Variants in PBX1 observed in about 807,000 individuals in gnomAD.
PBX1 encodes the protein pre-B-cell leukemia transcription factor 1.
Under a neutral mutation model 53.4 loss-of-function variants are expected in PBX1, and 6 were observed. That is an observed-to-expected ratio of 0.11 (90% CI 0.06 to 0.22). The LOEUF (loss-of-function observed/expected upper bound fraction) is 0.22. Ranked by LOEUF, PBX1 falls within the 10% of genes least tolerant of loss-of-function variation. The probability of loss-of-function intolerance (pLI) is 1.00; values close to 1 mark genes in which losing one functional copy is unlikely to be tolerated. For missense variants in PBX1, 251 were observed against 551.4 expected (o/e 0.46, Z 5.46); for synonymous variants, 204 against 212.3 (o/e 0.96, Z 0.34).
chr1:164,672,418 A>G (rs542938233), intron 2 of PBX1, among the ~76,000 whole-genome samples: 29 of 152,248 alleles, frequency 1.9e-4, no homozygotes, highest in Non-Finnish European at 1.5e-4. Context: ...CAGCAGAGGG[A>G]CCGCAGTGTA....
At chr1:164,720,984 G>T (rs1473604518) in intron 2 of PBX1, among the ~76,000 whole-genome samples, 2 of 152,182 alleles carry the variant, frequency 1.3e-5, no homozygotes, top group Non-Finnish European at 2.9e-5. Context: ...GGGGGAAGGA[G>T]CCTCTCTCTT....
intron 2 of PBX1, among the ~76,000 whole-genome samples, chr1:164,629,230 GA>G (rs143391853): frequency 8.8e-5 from 13 of 147,982 alleles, no homozygotes; most frequent in African/African-American, 2.3e-4. Context: ...ATCTAAAATT[GA>G]AAAAAAAAAT....
rs139705118 is a variant in PBX1, at chr1:164,689,448, C to T, written c.266-103046C>T. Among the ~76,000 whole-genome samples the T allele has an allele frequency of 7.9e-5, 12 of 152,002 alleles. 1 individual carries two copies. In the South Asian group the frequency reaches 1.0e-3, roughly 13 times the overall value. ...AAGATATTGATGAGCATTGCCCAGG[C>T]GTATTAATCATCTCCTTGAGGGAGG... On this transcript the variant is annotated intron_variant, in intron 2 of 8. Coordinates refer to ENST00000420696, the MANE Select transcript of PBX1 (RefSeq NM_002585.4).
chr1:164,810,867 T>A lies in PBX1; in HGVS notation c.838-1123T>A, dbSNP rs554881113. Reference sequence around the variant, plus strand: ...GTGGTGGTACAGACTGATTTTTTTTTAAAAAAGAAAGGCTTGGCATTTCTG... The same window carrying A: ...GTGGTGGTACAGACTGATTTTTTTTAAAAAAAGAAAGGCTTGGCATTTCTG... On this transcript the variant is annotated intron_variant, in intron 5 of 8. Coordinates refer to ENST00000420696, the MANE Select transcript of PBX1 (RefSeq NM_002585.4). Among the ~76,000 whole-genome samples the A allele has an allele frequency of 1.7e-3, 265 of 152,240 alleles. 1 individual carries two copies. The highest frequency in any genetic ancestry group is 2.6e-3 in the Non-Finnish European group (176 of 68,010).
intron 2 of PBX1, among the ~76,000 whole-genome samples, chr1:164,857,403 T>C (rs1383087038): frequency 2.6e-5 from 3 of 116,190 alleles, no homozygotes; most frequent in Non-Finnish European, 6.0e-5. Context: ...TCCTGGCATG[T>C]GGATGTGTTC....
chr1:164,772,302 C>T (rs1667413651), intron 2 of PBX1, among the ~76,000 whole-genome samples: 1 of 152,200 alleles, frequency 6.6e-6, no homozygotes, highest in Non-Finnish European at 1.5e-5. Context: ...GTGGTTTAAA[C>T]CCCTTTCAGG....
intron 2 of PBX1, among the ~76,000 whole-genome samples, chr1:164,784,283 A>G (rs1668068319): frequency 6.6e-6 from 1 of 152,236 alleles, no homozygotes; most frequent in African/African-American, 2.4e-5. Context: ...GCAGCAGTCC[A>G]GACTTGAGCT....
chr1:164,828,508 G>A (rs1436178835), intron 8 of PBX1: 1 of 152,206 alleles, frequency 6.6e-6, no homozygotes, highest in East Asian at 1.9e-4. Context: ...GACAGCGTAT[G>A]CTATGTTCCT....
At chr1:164,626,805 A>T (rs1658078606) in intron 2 of PBX1, among the ~76,000 whole-genome samples, 1 of 151,764 alleles carries the variant, frequency 6.6e-6, no homozygotes, top group Non-Finnish European at 1.5e-5. Context: ...TCAGGGCCTC[A>T]CTCCCTGCTC....
intron 2 of PBX1, among the ~76,000 whole-genome samples, chr1:164,705,405 G>A (rs1663371304): frequency 6.6e-6 from 1 of 152,176 alleles, no homozygotes; most frequent in South Asian, 2.1e-4. Flanking sequence ...ACTGTTGACT[G>A]CTTTTAAATA....
intron 2 of PBX1, among the ~76,000 whole-genome samples, chr1:164,685,144 C>G (rs1662026792): frequency 2.0e-5 from 3 of 152,136 alleles, no homozygotes; most frequent in Admixed American, 2.0e-4. Flanking sequence ...ATCCAGGGTT[C>G]TAGTCCTGTC....
chr1:164,848,858 C>G lies in PBX1; in HGVS notation c.*2182C>G, dbSNP rs1008860688. On this transcript the variant is annotated 3_prime_UTR_variant, in exon 9 of 9. Coordinates refer to ENST00000420696, the MANE Select transcript of PBX1 (RefSeq NM_002585.4). ...TGTGTGCTCAGGGGAGCAGGGGATG[C>G]CACTGAAGAAACTCAAGGGAATGTG... 2.7e-4 allele frequency: 283 copies of G among 1,065,120 alleles called. 1 individual carries two copies. The highest frequency in any genetic ancestry group is 2.9e-4 in the Non-Finnish European group (257 of 879,384). 66.0% of individuals were successfully genotyped at this position (1,065,120 alleles called of 1,614,324 possible).
At chr1:164,653,731 C>T (rs1350054233) in intron 2 of PBX1, among the ~76,000 whole-genome samples, 2 of 152,184 alleles carry the variant, frequency 1.3e-5, no homozygotes, top group African/African-American at 2.4e-5. Context: ...GATGGTGCCA[C>T]TGCACTCCAG....
intron 2 of PBX1, among the ~76,000 whole-genome samples, chr1:164,785,449 C>T (rs1043389375): frequency 7.2e-5 from 11 of 152,072 alleles, no homozygotes; most frequent in South Asian, 2.1e-4. Flanking sequence ...GAGGAGGTTC[C>T]GGGCTGTGGA....
chr1:164,662,722 C>T (rs977376563), intron 2 of PBX1, among the ~76,000 whole-genome samples: 1 of 152,138 alleles, frequency 6.6e-6, no homozygotes, highest in Admixed American at 6.5e-5. Context: ...CTTGTCTTTC[C>T]CGTAATTGCC....
intron 2 of PBX1, among the ~76,000 whole-genome samples, chr1:164,624,579 A>T (rs1170301247): frequency 6.6e-6 from 1 of 152,234 alleles, no homozygotes; most frequent in East Asian, 1.9e-4. Context: ...ATTCATGCAC[A>T]TACCAAGCAT....
At chr1:164,632,728 G>A (rs1042077568) in intron 2 of PBX1, among the ~76,000 whole-genome samples, 1 of 152,090 alleles carries the variant, frequency 6.6e-6, no homozygotes, top group South Asian at 2.1e-4. Context: ...AGAATCAGTG[G>A]TACGGACACA....
chr1:164,646,979 G>A (rs574693858), intron 2 of PBX1, among the ~76,000 whole-genome samples: 1 of 152,226 alleles, frequency 6.6e-6, no homozygotes, highest in Non-Finnish European at 1.5e-5. Context: ...AGAGTGTGGA[G>A]ATGTCCCAGG....
intron 2 of PBX1, among the ~76,000 whole-genome samples, chr1:164,695,158 AAGTCAAATT>A (rs1662734037): frequency 6.6e-6 from 1 of 152,334 alleles, no homozygotes; most frequent in East Asian, 1.9e-4. Context: ...ATTTTAAGCT[AAGTCAAATT>A]ATCACCATAT....
Sources: allele counts gnomAD v4.1 joint callset (sites outside exome capture counted in the v4.1 genomes callset), GRCh38; gene constraint gnomAD v4.1.1; transcripts MANE v1.5; gene names NCBI Gene and HGNC (gene_info 2026-07-23, HGNC 2026-07-21).